Variants in DENND4C observed in about 807,000 individuals in gnomAD.
DENND4C encodes the protein DENN domain containing 4C.
A neutral mutation model predicts 203.0 loss-of-function variants in DENND4C; 108 were observed. The ratio of observed to expected loss-of-function variants is 0.53; its 90% CI spans 0.46 to 0.62. DENND4C has a LOEUF of 0.62. Among genes scored for constraint, DENND4C ranks in the 20% least tolerant of loss-of-function variants. The pLI is 0.00. For synonymous variants in DENND4C, 871 were observed against 792.4 expected (o/e 1.10, Z -1.67); for missense variants, 2,481 against 2,301.2 (o/e 1.08, Z -1.60).
intron 1 of DENND4C, among the ~76,000 whole-genome samples, chr9:19,256,427 C>T (rs10123889): frequency 0.49 from 72,940 of 150,238 alleles, 18,570 homozygotes; most frequent in South Asian, 0.64. Context: ...AGCGATTCTC[C>T]TGTCGCAGCC....
At chr9:19,248,373 C>T (rs1308839081) in intron 1 of DENND4C, among the ~76,000 whole-genome samples, 2 of 151,910 alleles carry the variant, frequency 1.3e-5, no homozygotes, top group Non-Finnish European at 2.9e-5. Flanking sequence ...CACTTAGGCC[C>T]CTGCTTAGAT....
Position 19,328,039 on chromosome 9 carries a change from C to T in DENND4C, c.2130C>T (p.Tyr710=), listed in dbSNP as rs147008169. 1.1e-4 allele frequency: 175 copies of T among 1,590,910 alleles called. No individual in the cohort carries two copies. In the African/African-American group the frequency reaches 2.2e-3, roughly 20 times the overall value. ...KDLSPKYSYK[Y]FPRLDLKLFD... is the part of the protein sequence containing the mutation. Reference sequence around the variant, plus strand: ...TTTTTTTTTATTTTAGTTACAAATACTTTCCAAGACTGGACCTTAAGCTTT... The same window carrying T: ...TTTTTTTTTATTTTAGTTACAAATATTTTCCAAGACTGGACCTTAAGCTTT... The change falls in exon 16 of 33, where the codon TAC becomes TAT. Residue 710 remains tyrosine, a synonymous_variant. Coordinates refer to ENST00000434457, the MANE Select transcript of DENND4C (RefSeq NM_001330640.2).
In DENND4C at chr9:19,374,181, T is replaced by C. The variant is rs1024199751; in HGVS notation, c.*2008T>C. 5.9e-5 allele frequency among the ~76,000 whole-genome samples: 9 copies of C among 152,294 alleles called. 1 individual carries two copies. The highest frequency in any genetic ancestry group is 3.4e-3 in the Middle Eastern group (1 of 294). Reference sequence around the variant, plus strand: ...ATCTGTAATCTTTAGAATCCCAATATTTTGTTTTTTCCATTCCTTCACTCG... The same window carrying C: ...ATCTGTAATCTTTAGAATCCCAATACTTTGTTTTTTCCATTCCTTCACTCG... On this transcript the variant is annotated 3_prime_UTR_variant, in exon 33 of 33. Transcript: ENST00000434457.
intron 1 of DENND4C, 138 bp from the exon 2 acceptor site, chr9:19,276,020 C>G (rs138463232): frequency 2.3e-6 from 1 of 431,752 alleles, no homozygotes; most frequent in African/African-American, 2.0e-5. Context: ...TAAAAGCAGG[C>G]TTCTTCTCAG....
Position 19,287,484 on chromosome 9 carries a change from GATCTTCCC to G in DENND4C, c.558+465_558+472del, listed in dbSNP as rs930970965. Reference sequence around the variant, plus strand: ...CCTTGACCCCCCACCAGGCTCAAGTGATCTTCCCACCTTAGCCTCCCGAGTAGCTGGGA... The same window carrying G: ...CCTTGACCCCCCACCAGGCTCAAGTGACCTTAGCCTCCCGAGTAGCTGGGA... On this transcript the variant is annotated intron_variant, in intron 3 of 32. Transcript: ENST00000434457. Among the ~76,000 whole-genome samples, 19 of 151,412 alleles carry G rather than the reference GATCTTCCC, an allele frequency of 1.3e-4. No homozygotes were observed. In the Middle Eastern group the frequency reaches 0.01, roughly 84 times the overall value.
chr9:19,234,415 A>G (rs2131336272), intron 1 of DENND4C, among the ~76,000 whole-genome samples: 1 of 151,732 alleles, frequency 6.6e-6, no homozygotes, highest in East Asian at 1.9e-4. Flanking sequence ...TATTTTTAGT[A>G]GAAATGGGGT....
intron 1 of DENND4C, among the ~76,000 whole-genome samples, chr9:19,233,498 TA>T (rs1821079155): frequency 6.6e-6 from 1 of 151,964 alleles, no homozygotes; most frequent in South Asian, 2.1e-4. Flanking sequence ...TTTAAAGCTT[TA>T]AAACATTTTC....
chr9:19,274,206 T>C (rs371771210), intron 1 of DENND4C, among the ~76,000 whole-genome samples: 3 of 152,080 alleles, frequency 2.0e-5, no homozygotes, highest in East Asian at 1.9e-4. Context: ...TAGAAACTTA[T>C]CTATAATGAT....
intron 1 of DENND4C, among the ~76,000 whole-genome samples, chr9:19,247,817 A>AT (rs1825652166): frequency 6.6e-6 from 1 of 152,214 alleles, no homozygotes. Context: ...TCTCTCAGTA[A>AT]ATGGTACTAT....
intron 22 of DENND4C, among the ~76,000 whole-genome samples, chr9:19,343,194 C>T (rs781390844): frequency 2.8e-4 from 42 of 152,230 alleles, no homozygotes; most frequent in Non-Finnish European, 4.3e-4. Context: ...ACGTCATTTC[C>T]CCTCTACACA....
intron 1 of DENND4C, among the ~76,000 whole-genome samples, chr9:19,250,019 C>T (rs527640076): frequency 6.6e-5 from 10 of 152,248 alleles, no homozygotes; most frequent in African/African-American, 2.4e-4. Flanking sequence ...TTATATGTGG[C>T]TGGGCGCTGT....
chr9:19,239,611 C>A (rs943833048), intron 1 of DENND4C, among the ~76,000 whole-genome samples: 1 of 151,972 alleles, frequency 6.6e-6, no homozygotes, highest in African/African-American at 2.4e-5. Context: ...CTCAGCCTCC[C>A]GAGTAGCTGG....
rs1237215932 is a variant in DENND4C at position 19,324,457 on chromosome 9, G to T, written c.1903G>T (p.Val635Leu). 6.2e-7 allele frequency: 1 copy of T among 1,612,784 alleles called. No individual in the cohort carries two copies. The highest frequency in any genetic ancestry group is 1.7e-5 in the Admixed American group (1 of 59,638). The stretch of plus-strand genomic sequence containing the variant: ...TCGTTTCATTGAAGAATGCAGTTTT[G>T]TAAGTGATAAAGATACTGGATTAGC... ...FIRFIEECSF[V>L]SDKDTGLAFF... Residue 635 changes from valine (V) to leucine (L), a missense_variant, in exon 13 of 33, where the codon GTA (valine) becomes TTA (leucine). Around this residue, in one of 3 missense-constraint regions of DENND4C, gnomAD observed 2,289 missense variants for 2,113.3 expected, o/e 1.08. Transcript: ENST00000434457.
intron 1 of DENND4C, among the ~76,000 whole-genome samples, chr9:19,272,636 G>T (rs1367354435): frequency 6.6e-6 from 1 of 151,994 alleles, no homozygotes; most frequent in Non-Finnish European, 1.5e-5. Flanking sequence ...TATACCTCAC[G>T]CCATATGCAA....
At chr9:19,296,852 A>C (rs562912594) in intron 6 of DENND4C, among the ~76,000 whole-genome samples, 1 of 152,188 alleles carries the variant, frequency 6.6e-6, no homozygotes, top group Non-Finnish European at 1.5e-5. Context: ...CACCAATGCA[A>C]GTGGCCATTC....
intron 5 of DENND4C, among the ~76,000 whole-genome samples, chr9:19,295,184 A>G (rs551897047): frequency 2.6e-5 from 4 of 152,048 alleles, no homozygotes; most frequent in Non-Finnish European, 4.4e-5. Flanking sequence ...ATCCTGGCTA[A>G]CACAGTGAAA....
intron 16 of DENND4C, among the ~76,000 whole-genome samples, chr9:19,331,605 T>G (rs1235076295): frequency 6.6e-6 from 1 of 152,174 alleles, no homozygotes; most frequent in South Asian, 2.1e-4. Context: ...TAGAGCATCT[T>G]AAACTTTAGT....
At chr9:19,317,088 C>T (rs1261711126) in intron 12 of DENND4C, among the ~76,000 whole-genome samples, 2 of 151,302 alleles carry the variant, frequency 1.3e-5, no homozygotes, top group Non-Finnish European at 2.9e-5. Flanking sequence ...CCTATATTTA[C>T]AATATCTTGT....
At chr9:19,344,732 A>C (rs934803232) in intron 22 of DENND4C, among the ~76,000 whole-genome samples, 2 of 152,090 alleles carry the variant, frequency 1.3e-5, no homozygotes, top group African/African-American at 4.8e-5. Context: ...CGAGCTCCTG[A>C]GCTCAGGTGA....
Sources: allele counts gnomAD v4.1 joint callset (sites outside exome capture counted in the v4.1 genomes callset), GRCh38; gene constraint gnomAD v4.1.1; regional missense constraint gnomAD v4.1.1; transcripts MANE v1.5; gene names NCBI Gene and HGNC (gene_info 2026-07-23, HGNC 2026-07-21).